Variants in CNTNAP5 observed in about 807,000 individuals in gnomAD.
CNTNAP5 encodes contactin-associated protein-like 5.
CNTNAP5 carries 72 observed loss-of-function variants against 150.2 expected under a neutral mutation model. The ratio of observed to expected loss-of-function variants is 0.48; its 90% CI spans 0.40 to 0.58. The LOEUF is 0.58. Ranked by LOEUF, CNTNAP5 falls within the 20% of genes least tolerant of loss-of-function variation. CNTNAP5 has a pLI of 0.00. For synonymous variants in CNTNAP5, 672 were observed against 619.8 expected, an observed-to-expected ratio of 1.08 and a Z score of -1.25; for missense variants, 1,636 against 1,626.2, an observed-to-expected ratio of 1.01 and a Z score of -0.10.
intron 13 of CNTNAP5, among the ~76,000 whole-genome samples, chr2:124,690,618 G>T (rs980228662): frequency 6.6e-6 from 1 of 151,986 alleles, no homozygotes; most frequent in Non-Finnish European, 1.5e-5. Flanking sequence ...GGGATCTCCA[G>T]CCTCTCTCCT....
intron 21 of CNTNAP5, among the ~76,000 whole-genome samples, chr2:124,878,940 C>G (rs1323539738): frequency 6.6e-6 from 1 of 152,018 alleles, no homozygotes; most frequent in Non-Finnish European, 1.5e-5. Flanking sequence ...ATCTCGGCCT[C>G]CCAAAATGCT....
intron 3 of CNTNAP5, among the ~76,000 whole-genome samples, chr2:124,294,281 T>C (rs1325272765): frequency 1.5e-5 from 2 of 137,540 alleles, no homozygotes; most frequent in Non-Finnish European, 3.2e-5. Flanking sequence ...AACAGATAAA[T>C]GCAATAGCAA....
chr2:124,750,600 C>G (rs542025154), intron 14 of CNTNAP5, among the ~76,000 whole-genome samples: 4 of 152,238 alleles, frequency 2.6e-5, no homozygotes, highest in African/African-American at 9.6e-5. Context: ...GCATTACGGT[C>G]CCTGCCCTTG....
intron 3 of CNTNAP5, among the ~76,000 whole-genome samples, chr2:124,268,923 G>C (rs1315883076): frequency 6.6e-6 from 1 of 152,088 alleles, no homozygotes; most frequent in Non-Finnish European, 1.5e-5. Context: ...TGGAAAGGCA[G>C]GGGGAGGGAA....
chr2:124,145,836 A>AAG lies in CNTNAP5; in HGVS notation c.83-75868_83-75867insGA, dbSNP rs1553441877. 3.8e-3 allele frequency among the ~76,000 whole-genome samples: 286 copies of AAG among 75,798 alleles called. 3 individuals carry two copies. The South Asian group carries it at 0.041, about 11-fold the overall frequency. 49.7% of individuals were successfully genotyped at this position (75,798 alleles called of 152,430 possible). On this transcript the variant is annotated intron_variant, in intron 1 of 23. Transcript: ENST00000682447. ...TTAAAAAAAAAAAAAAAAGAAGAAA[A>AAG]AAAAAAAAAATAAAATATATTTAAT...
rs759271498 is a variant in CNTNAP5 at position 124,504,495 on chromosome 2, G to A, written c.1266G>A (p.Glu422=). 37 of 1,613,692 alleles carry A rather than the reference G, an allele frequency of 2.3e-5. No individual in the cohort carries two copies. The highest frequency in any genetic ancestry group is 1.3e-4 in the Admixed American group (8 of 59,992). The change falls in exon 8 of 24, where the codon GAG becomes GAA. Residue 422 remains glutamate (E), a synonymous_variant. Transcript: ENST00000682447. ...EGSGTLLLSL[E]GGILRLVIQK... is the part of the protein sequence containing the mutation. Reference sequence around the variant, plus strand: ...CGGGAACCCTGCTGCTGAGCCTGGAGGGTGGAATCCTGAGACTCGTGATTC... The same window carrying A: ...CGGGAACCCTGCTGCTGAGCCTGGAAGGTGGAATCCTGAGACTCGTGATTC...
At chr2:124,473,986 T>A (rs1445613198) in intron 6 of CNTNAP5, among the ~76,000 whole-genome samples, 2 of 152,056 alleles carry the variant, frequency 1.3e-5, no homozygotes, top group African/African-American at 4.8e-5. Flanking sequence ...GCCATTACTT[T>A]TAGTGACAAA....
intron 3 of CNTNAP5, among the ~76,000 whole-genome samples, chr2:124,326,022 T>C (rs1573917503): frequency 6.6e-6 from 1 of 152,052 alleles, no homozygotes; most frequent in South Asian, 2.1e-4. Flanking sequence ...AGACATGAAA[T>C]GAGTATAAGG....
rs980814245 is a variant in CNTNAP5 at position 124,047,451 on chromosome 2, G to A, written c.82+21719G>A. ...ATCTGGCCAAAGCCAAGTTCTGTCC[G>A]ACTTCACATACATTTTCCCATTCAA... On this transcript the variant is annotated intron_variant, in intron 1 of 23. Coordinates refer to ENST00000682447, the MANE Select transcript of CNTNAP5 (RefSeq NM_001367498.1). Among the ~76,000 whole-genome samples, 6 of 152,204 alleles carry A rather than the reference G, an allele frequency of 3.9e-5. No individual in the cohort carries two copies. The East Asian group carries it at 5.8e-4, about 15-fold the overall frequency.
intron 2 of CNTNAP5, among the ~76,000 whole-genome samples, chr2:124,240,910 A>G (rs1686869180): frequency 6.6e-6 from 1 of 152,184 alleles, no homozygotes; most frequent in Non-Finnish European, 1.5e-5. Flanking sequence ...AGATGTCCAA[A>G]TGACTTCTTC....
At chr2:124,712,503 A>G (rs1573565786) in intron 13 of CNTNAP5, among the ~76,000 whole-genome samples, 1 of 152,210 alleles carries the variant, frequency 6.6e-6, no homozygotes, top group Non-Finnish European at 1.5e-5. Context: ...TTAGCATGAC[A>G]GAAGTATGTG....
At chr2:124,631,970 C>T (rs1050365127) in intron 12 of CNTNAP5, among the ~76,000 whole-genome samples, 8 of 152,154 alleles carry the variant, frequency 5.3e-5, no homozygotes, top group Admixed American at 5.2e-4. Flanking sequence ...TAAAGCTCAA[C>T]ATCACTGATC....
chr2:124,082,348 CAAAAAAAAAAAA>C (rs56285830), intron 1 of CNTNAP5, among the ~76,000 whole-genome samples: 3 of 73,576 alleles, frequency 4.1e-5, no homozygotes, highest in Admixed American at 1.5e-4. Flanking sequence ...GACTCTCTCT[CAAAAAAAAAAAA>C]AAAAAAAAAA....
chr2:124,606,863 G>C (rs1449668615), intron 11 of CNTNAP5, among the ~76,000 whole-genome samples: 4 of 151,986 alleles, frequency 2.6e-5, no homozygotes, highest in African/African-American at 9.7e-5. Context: ...ACAACACATG[G>C]GAATTGTGGG....
chr2:124,502,790 A>T (rs1694307283), intron 7 of CNTNAP5, among the ~76,000 whole-genome samples: 1 of 152,130 alleles, frequency 6.6e-6, no homozygotes, highest in Non-Finnish European at 1.5e-5. Flanking sequence ...TTTTTTTTTA[A>T]ATGGTAGCAC....
chr2:124,795,501 G>T lies in CNTNAP5; in HGVS notation c.2993-2595G>T, dbSNP rs113635350. Among the ~76,000 whole-genome samples, 844 of 152,116 alleles carry T rather than the reference G, an allele frequency of 5.5e-3. 13 individuals carry two copies. The highest frequency in any genetic ancestry group is 0.019 in the African/African-American group (801 of 41,514). ...CATTGGTCCACTGGCAATTTGTTTTGTTTTGTTTTTGTTTGTTGTTTTGTT... is the reference window on the plus strand; with the variant it reads ...CATTGGTCCACTGGCAATTTGTTTTTTTTTGTTTTTGTTTGTTGTTTTGTT... On this transcript the variant is annotated intron_variant, in intron 18 of 23. Transcript: ENST00000682447.
chr2:124,859,545 C>T (rs1280516155), intron 19 of CNTNAP5, among the ~76,000 whole-genome samples: 6 of 152,252 alleles, frequency 3.9e-5, no homozygotes, highest in Admixed American at 2.0e-4. Context: ...TTGACCCAGC[C>T]GTCCCATTAC....
chr2:124,221,835 T>C, intron 2 of CNTNAP5, 26 bp downstream of exon 2: 2 of 1,434,460 alleles, frequency 1.4e-6, no homozygotes, highest in Non-Finnish European at 1.9e-6. Context: ...GAAATCCTAA[T>C]GCCAAGCACT....
At chr2:124,530,721 T>C (rs1255073068) in intron 10 of CNTNAP5, among the ~76,000 whole-genome samples, 1 of 152,114 alleles carries the variant, frequency 6.6e-6, no homozygotes, top group African/African-American at 2.4e-5. Flanking sequence ...CAGTAGGAAT[T>C]AGAATAAGGC....
Sources: allele counts gnomAD v4.1 joint callset (sites outside exome capture counted in the v4.1 genomes callset), GRCh38; gene constraint gnomAD v4.1.1; transcripts MANE v1.5; gene names NCBI Gene and HGNC (gene_info 2026-07-23, HGNC 2026-07-21).